MEGF10: variants seen among roughly 807,000 people sequenced by gnomAD.
MEGF10 encodes multiple epidermal growth factor-like domains protein 10.
MEGF10 carries 86 observed loss-of-function variants against 147.5 expected under a neutral mutation model. The observed-to-expected ratio is 0.58, with a 90% CI of 0.49 to 0.70. The LOEUF is 0.70. Among genes scored for constraint, MEGF10 ranks in the 30% least tolerant of loss-of-function variants. The probability of loss-of-function intolerance (pLI) is 0.00; values close to 1 mark genes in which losing one functional copy is unlikely to be tolerated. For missense variants in MEGF10, 1,329 were observed against 1,487.3 expected, an observed-to-expected ratio of 0.89 and a Z score of 1.75; for synonymous variants, 478 against 525.5, an observed-to-expected ratio of 0.91 and a Z score of 1.24.
At position 127,454,609 on chromosome 5, in the gene MEGF10, A is replaced by G; in HGVS notation, c.3024A>G (p.Lys1008=). 1.2e-6 allele frequency: 2 copies of G among 1,607,078 alleles called. 1 individual carries two copies. Among genetic ancestry groups the G allele is most frequent in the Middle Eastern group, 3.3e-4 (2 of 6,022 alleles). Residue 1008 remains lysine, a splice_region_variant and synonymous_variant, in exon 23 of 25, where the codon AAA becomes AAG. Transcript: ENST00000503335. The stretch of plus-strand genomic sequence containing the variant: ...GAAGCTATATGGGAAAATCCTTAAA[A>G]GGTATCATGTAAATTTGAAGAAGAA... The part of the protein sequence containing the change: ...LDRSYMGKSL[K]DLGKNSEYNS...
At position 127,313,540 on chromosome 5, in the gene MEGF10, A is replaced by T. The variant is rs559054358; in HGVS notation, c.-18-17751A>T. Among the ~76,000 whole-genome samples the T allele has an allele frequency of 4.7e-4, 72 of 152,358 alleles. 1 individual carries two copies. The highest frequency in any genetic ancestry group is 1.7e-3 in the African/African-American group (71 of 41,580). On this transcript the variant is annotated intron_variant, in intron 1 of 24. Coordinates refer to ENST00000503335, the MANE Select transcript of MEGF10 (RefSeq NM_001256545.2). ...CATTTGTACACACTTATATGCACGG[A>T]CACATATAAAAACAGTACTAACCTT...
intron 5 of MEGF10, among the ~76,000 whole-genome samples, chr5:127,392,999 G>A (rs868674729): frequency 6.6e-6 from 1 of 152,186 alleles, no homozygotes; most frequent in Non-Finnish European, 1.5e-5. Context: ...GGCTGAAAAT[G>A]AGTCGGCACT....
At chr5:127,275,950 G>A in the MEGF10 span, among the ~76,000 whole-genome samples, 6 of 152,316 alleles carry the variant, frequency 3.9e-5, no homozygotes, top group Admixed American at 6.5e-5. Context: ...CACTTCCTAT[G>A]ACATCATCTA....
intron 1 of MEGF10, among the ~76,000 whole-genome samples, chr5:127,323,183 G>A (rs1341817394): frequency 6.6e-6 from 1 of 152,126 alleles, no homozygotes; most frequent in Non-Finnish European, 1.5e-5. Flanking sequence ...AAAAATAAAA[G>A]AAACATTTAT....
At chr5:127,428,174 G>C (rs1008615563) in intron 13 of MEGF10, among the ~76,000 whole-genome samples, 5 of 122,100 alleles carry the variant, frequency 4.1e-5, no homozygotes, top group African/African-American at 1.6e-4. Flanking sequence ...TGTCTTGCAA[G>C]TGCAAAGGCA....
At chr5:127,417,570 C>T in intron 9 of MEGF10, 68 bp from the exon 10 acceptor site, 1 of 1,486,004 alleles carries the variant, frequency 6.7e-7, no homozygotes, top group Non-Finnish European at 9.4e-7. Context: ...GCTAAAGCAA[C>T]ATTTGCACAG....
the MEGF10 span, among the ~76,000 whole-genome samples, chr5:127,238,482 C>T: frequency 6.6e-6 from 1 of 152,120 alleles, no homozygotes. Context: ...TTGTGGTTGC[C>T]AGGCACTGCA....
chr5:127,412,260 G>A (rs770568704), intron 9 of MEGF10, among the ~76,000 whole-genome samples: 4 of 152,134 alleles, frequency 2.6e-5, no homozygotes, highest in Non-Finnish European at 5.9e-5. Context: ...ATCATGAAAG[G>A]TATTTTTAAA....
chr5:127,287,864 A>G (rs1759078060), upstream of MEGF10, among the ~76,000 whole-genome samples: 1 of 152,100 alleles, frequency 6.6e-6, no homozygotes, highest in Admixed American at 6.5e-5. Context: ...AGTTATAGCA[A>G]TCTGAACAGT....
At chr5:127,428,129 A>G (rs560377632) in intron 13 of MEGF10, among the ~76,000 whole-genome samples, 100 of 143,832 alleles carry the variant, frequency 7.0e-4, no homozygotes, top group African/African-American at 2.5e-3. Flanking sequence ...GAGGCAGGCC[A>G]TGGTGTCTGG....
chr5:127,417,566 G>A (rs1764823631), intron 9 of MEGF10, 72 bp from the exon 10 acceptor site: 2 of 1,457,698 alleles, frequency 1.4e-6, no homozygotes, highest in Non-Finnish European at 1.9e-6. Flanking sequence ...CATTGCTAAA[G>A]CAACATTTGC....
rs1766490649 is a variant in MEGF10, at chr5:127,459,568, CA to C, written c.*2252del. ...GTTCTCTAGAGCTAGGTCAAAAAAA[CA>C]ACTGTTTCTTTTCTTATTCCACTAT... is the stretch of plus-strand genomic sequence containing the variant. On this transcript the variant is annotated 3_prime_UTR_variant, in exon 25 of 25. Coordinates refer to ENST00000503335, the MANE Select transcript of MEGF10 (RefSeq NM_001256545.2). The C allele has an allele frequency of 6.6e-6, 1 of 152,130 alleles. No individual in the cohort carries two copies. Among genetic ancestry groups the C allele is most frequent in the South Asian group, 2.1e-4 (1 of 4,834 alleles). 9.4% of individuals were successfully genotyped at this position (152,130 alleles called of 1,614,324 possible). A position where few individuals can be genotyped will look rare whatever the true frequency, so the allele number is the denominator to read the frequency against.
rs540190146 is a variant in MEGF10, at chr5:127,450,612, A to G, written c.2980+1390A>G. Among the ~76,000 whole-genome samples the G allele has an allele frequency of 3.3e-5, 5 of 152,272 alleles. No homozygotes were observed. In the East Asian group the frequency reaches 5.8e-4, roughly 18 times the overall value. On this transcript the variant is annotated intron_variant, in intron 22 of 24. Coordinates refer to ENST00000503335, the MANE Select transcript of MEGF10 (RefSeq NM_001256545.2). Reference sequence around the variant, plus strand: ...AATCCCAGTTAAATTTGAATTTCAGATAGATAAGCAACACATTTTTTTGTA... The same window carrying G: ...AATCCCAGTTAAATTTGAATTTCAGGTAGATAAGCAACACATTTTTTTGTA...
chr5:127,406,610 G>C (rs1036230824), intron 8 of MEGF10, among the ~76,000 whole-genome samples: 2 of 152,218 alleles, frequency 1.3e-5, no homozygotes. Flanking sequence ...GCTGGCCCTA[G>C]GAGCCTGCAC....
chr5:127,278,582 A>G, the MEGF10 span, among the ~76,000 whole-genome samples: 1 of 152,160 alleles, frequency 6.6e-6, no homozygotes, highest in Non-Finnish European at 1.5e-5. Context: ...GACAGGGAGA[A>G]ATCCACGTCA....
At chr5:127,287,632 G>A (rs188617635), upstream of MEGF10, among the ~76,000 whole-genome samples, 25 of 152,028 alleles carry the variant, frequency 1.6e-4, no homozygotes, top group African/African-American at 5.8e-4. Context: ...TAGAGGAATC[G>A]ATATTTTTAT....
chr5:127,435,488 A>C lies in MEGF10; in HGVS notation c.2103A>C (p.Gln701His), dbSNP rs1279083332. The C allele has an allele frequency of 1.9e-6, 3 of 1,612,424 alleles. No individual in the cohort carries two copies. Among genetic ancestry groups the C allele is most frequent in the Non-Finnish European group, 2.5e-6 (3 of 1,179,412 alleles). ...YPGWIGSDCS[Q>H]PCPPAHWGPN... is the part of the protein sequence containing the mutation. ...GTTGGATTGGCAGTGACTGCTCTCA[A>C]CGTAAGTCTTGTTTGAGAACAATTA... Residue 701 changes from glutamine (Q) to histidine (H), a missense_variant and splice_region_variant, in exon 16 of 25, where the codon CAA becomes CAC. By Grantham distance (24) the Gln-to-His change is conservative (BLOSUM62 0). This residue lies in a region of MEGF10 where 980 missense variants were observed against 1,085.9 expected (regional missense o/e 0.90). Coordinates refer to ENST00000503335, the MANE Select transcript of MEGF10 (RefSeq NM_001256545.2).
chr5:127,313,299 A>AT, intron 1 of MEGF10, among the ~76,000 whole-genome samples: 1 of 152,164 alleles, frequency 6.6e-6, no homozygotes, highest in East Asian at 1.9e-4. Flanking sequence ...TTGTAAGATT[A>AT]TTGCTTTATT....
rs56033520 is a variant in MEGF10 at position 127,294,835 on chromosome 5, T to TAATAATAATAATAAAAAAA, written c.-19+3781_-19+3782insTAATAATAATAAAAAAAAA. 1.0e-4 allele frequency among the ~76,000 whole-genome samples: 15 copies of TAATAATAATAATAAAAAAA among 143,138 alleles called. 1 individual carries two copies. In the South Asian group the frequency reaches 1.5e-3, roughly 15 times the overall value. 93.9% of individuals were successfully genotyped at this position (143,138 alleles called of 152,430 possible). A position where few individuals can be genotyped will look rare whatever the true frequency, so the allele number is the denominator to read the frequency against. Reference sequence around the variant, plus strand: ...ATAATAATAATAATAATAATAATAATAAATAACTTGGAGTAGAAAAAGGAC... The same window carrying TAATAATAATAATAAAAAAA: ...ATAATAATAATAATAATAATAATAATAATAATAATAATAAAAAAAAAATAACTTGGAGTAGAAAAAGGAC... On this transcript the variant is annotated intron_variant, in intron 1 of 24. Coordinates refer to ENST00000503335, the MANE Select transcript of MEGF10 (RefSeq NM_001256545.2).
Sources: gnomAD v4.1 joint callset for allele counts (sites outside exome capture counted in the v4.1 genomes callset) on GRCh38, gnomAD v4.1.1 for gene constraint, gnomAD v4.1.1 regional missense constraint, MANE v1.5 for transcripts, NCBI Gene and HGNC (gene_info 2026-07-23, HGNC 2026-07-21) for gene names.